GNA14: variants seen among roughly 807,000 people sequenced by gnomAD.
GNA14 encodes the protein guanine nucleotide-binding protein subunit alpha-14.
In GNA14, 50 loss-of-function variants were observed where a neutral mutation model predicts 42.0. The observed-to-expected ratio is 1.19, with a 90% CI of 0.95 to 1.51. The LOEUF (loss-of-function observed/expected upper bound fraction) is 1.51. Among genes scored for constraint, GNA14 ranks in the 40% most tolerant of loss-of-function variants. The pLI, the probability that GNA14 is intolerant of heterozygous loss-of-function variation, is 0.00. For synonymous variants in GNA14, 173 were observed against 163.1 expected, an observed-to-expected ratio of 1.06 and a Z score of -0.46; for missense variants, 473 against 446.2, an observed-to-expected ratio of 1.06 and a Z score of -0.54.
Position 77,620,454 on chromosome 9 carries a change from C to T in GNA14, c.124+27216G>A, listed in dbSNP as rs558407696. 1.2e-4 allele frequency among the ~76,000 whole-genome samples: 18 copies of T among 152,202 alleles called. No homozygotes were observed. In the East Asian group the frequency reaches 2.7e-3, roughly 23 times the overall value. ...GTATAATAAGGAATGCTTAGAATTCCGGACAAAATACAAATTAGAAACAAT... is the reference window on the plus strand; with the variant it reads ...GTATAATAAGGAATGCTTAGAATTCTGGACAAAATACAAATTAGAAACAAT... On this transcript the variant is annotated intron_variant, in intron 1 of 6. Transcript: ENST00000341700.
intron 2 of GNA14, among the ~76,000 whole-genome samples, chr9:77,525,934 A>T (rs1254115307): frequency 6.9e-6 from 1 of 144,970 alleles, no homozygotes; most frequent in Non-Finnish European, 1.5e-5. Flanking sequence ...ACGGAGTTTC[A>T]CTTTGTCCCC....
intron 3 of GNA14, among the ~76,000 whole-genome samples, chr9:77,433,332 C>T (rs934866492): frequency 6.6e-6 from 1 of 152,128 alleles, no homozygotes; most frequent in Non-Finnish European, 1.5e-5. Context: ...ACTATTTACC[C>T]GGTGACCAGA....
At chr9:77,618,192 ATCT>A (rs765477622) in intron 1 of GNA14, among the ~76,000 whole-genome samples, 17 of 152,204 alleles carry the variant, frequency 1.1e-4, no homozygotes, top group Non-Finnish European at 2.4e-4. Context: ...CTTTCTGAAA[ATCT>A]TCTCTCATAG....
chr9:77,424,081 A>G lies in GNA14; in HGVS notation c.966T>C (p.Ser322=). ...QNPDKEKVIY[S]HFTCATDTDN... ...CTGTATCTGTAGCACATGTGAAGTGAGAGTAGATGACTTTCTCTTTGTCAG... is the reference window on the plus strand; with the variant it reads ...CTGTATCTGTAGCACATGTGAAGTGGGAGTAGATGACTTTCTCTTTGTCAG... Residue 322 remains serine, a synonymous_variant, in exon 7 of 7, where the codon TCT becomes TCC. Coordinates refer to ENST00000341700, the MANE Select transcript of GNA14 (RefSeq NM_004297.4). 1 of 1,612,254 alleles carries G rather than the reference A, an allele frequency of 6.2e-7. No homozygotes were observed. The highest frequency in any genetic ancestry group is 8.5e-7 in the Non-Finnish European group (1 of 1,178,514).
chr9:77,443,616 C>T (rs1835769574), intron 2 of GNA14, among the ~76,000 whole-genome samples: 1 of 152,148 alleles, frequency 6.6e-6, no homozygotes, highest in Admixed American at 6.5e-5. Context: ...AAATAAATAA[C>T]AGAATTTACT....
chr9:77,428,206 A>G (rs1372424178), intron 5 of GNA14, among the ~76,000 whole-genome samples: 4 of 151,158 alleles, frequency 2.6e-5, no homozygotes, highest in African/African-American at 4.9e-5. Context: ...AGCCTCCTGA[A>G]TAGCTGGGAC....
At chr9:77,527,046 T>A (rs1004610449) in intron 2 of GNA14, among the ~76,000 whole-genome samples, 2 of 152,196 alleles carry the variant, frequency 1.3e-5, no homozygotes, top group Non-Finnish European at 2.9e-5. Context: ...CAGGAGCCTT[T>A]TCTCCTCAGT....
At chr9:77,556,413 G>A (rs1010069888) in intron 1 of GNA14, among the ~76,000 whole-genome samples, 3 of 152,116 alleles carry the variant, frequency 2.0e-5, no homozygotes, top group African/African-American at 7.2e-5. Flanking sequence ...ACTGATGAAA[G>A]CAATCCATTC....
intron 1 of GNA14, among the ~76,000 whole-genome samples, chr9:77,557,771 C>G (rs1348067535): frequency 2.0e-5 from 3 of 152,062 alleles, no homozygotes; most frequent in Non-Finnish European, 4.4e-5. Flanking sequence ...CTAGACAATC[C>G]CTAATCAAGA....
intron 1 of GNA14, among the ~76,000 whole-genome samples, chr9:77,530,474 T>A (rs1392112908): frequency 6.6e-6 from 1 of 152,214 alleles, no homozygotes; most frequent in African/African-American, 2.4e-5. Context: ...CTTTTCTTTA[T>A]AAATTACCCA....
chr9:77,538,465 A>G (rs1239712507), intron 1 of GNA14, among the ~76,000 whole-genome samples: 1 of 151,906 alleles, frequency 6.6e-6, no homozygotes, highest in East Asian at 1.9e-4. Context: ...TCATGCCGTG[A>G]AATATGATGT....
chr9:77,616,777 CAAT>C (rs1823826045), intron 1 of GNA14, among the ~76,000 whole-genome samples: 1 of 152,214 alleles, frequency 6.6e-6, no homozygotes, highest in Admixed American at 6.5e-5. Flanking sequence ...CTTGATGAAA[CAAT>C]AACTCCACCT....
intron 1 of GNA14, among the ~76,000 whole-genome samples, chr9:77,562,688 C>T (rs1822901902): frequency 6.6e-6 from 1 of 152,212 alleles, no homozygotes; most frequent in African/African-American, 2.4e-5. Context: ...TTGTTTCATA[C>T]TTGATTTAGC....
chr9:77,641,930 C>T (rs1824274168), intron 1 of GNA14, among the ~76,000 whole-genome samples: 2 of 152,186 alleles, frequency 1.3e-5, no homozygotes, highest in South Asian at 4.1e-4. Flanking sequence ...TACCCTCAAA[C>T]ACTGCCAAGG....
At chr9:77,432,703 C>T (rs1022090839) in intron 3 of GNA14, among the ~76,000 whole-genome samples, 3 of 152,148 alleles carry the variant, frequency 2.0e-5, no homozygotes, top group Non-Finnish European at 4.4e-5. Context: ...ACCCTAGCCA[C>T]GCCCCTCGTC....
chr9:77,519,032 T>A (rs1587813538), intron 2 of GNA14, among the ~76,000 whole-genome samples: 1 of 152,202 alleles, frequency 6.6e-6, no homozygotes, highest in Admixed American at 6.5e-5. Flanking sequence ...ATTGTGGCTG[T>A]CAAAAAGAAG....
chr9:77,622,544 G>A (rs1038006566), intron 1 of GNA14, among the ~76,000 whole-genome samples: 13 of 151,706 alleles, frequency 8.6e-5, no homozygotes, highest in Admixed American at 1.3e-4. Flanking sequence ...CGAGTTGGGC[G>A]GATCACAGAG....
chr9:77,427,524 T>C (rs1012640611), intron 5 of GNA14, among the ~76,000 whole-genome samples: 4 of 133,340 alleles, frequency 3.0e-5, no homozygotes, highest in South Asian at 2.3e-4. Context: ...GAGTCCTTTA[T>C]TGATTTACTT....
intron 1 of GNA14, among the ~76,000 whole-genome samples, chr9:77,584,879 G>A (rs891713211): frequency 6.6e-6 from 1 of 152,070 alleles, no homozygotes; most frequent in African/African-American, 2.4e-5. Context: ...TGTTGCCATG[G>A]CATTTGTAAA....
Sources: gnomAD v4.1 joint callset for allele counts (sites outside exome capture counted in the v4.1 genomes callset) on GRCh38, gnomAD v4.1.1 for gene constraint, MANE v1.5 for transcripts, NCBI Gene and HGNC (gene_info 2026-07-23, HGNC 2026-07-21) for gene names.